The following DMD variants were observed in gnomAD, a reference collection of about 807,000 sequenced individuals.
The protein encoded by DMD is dystrophin, also known as mutant dystrophin.
DMD carries 63 observed loss-of-function variants against 330.1 expected under a neutral mutation model. The observed-to-expected ratio is 0.19, with a 90% CI of 0.16 to 0.24. The LOEUF (loss-of-function observed/expected upper bound fraction) is 0.24. DMD is among the 10% of genes least tolerant of loss of function. The probability of loss-of-function intolerance (pLI) is 1.00; values close to 1 mark genes in which losing one functional copy is unlikely to be tolerated. For synonymous variants in DMD, 1,223 were observed against 959.8 expected (o/e 1.27, Z -5.07); for missense variants, 3,344 against 2,684.1 (o/e 1.25, Z -5.43).
At chrX:32,726,165 A>G (rs764908554) in intron 7 of DMD, among the ~76,000 whole-genome samples, 1 of 111,384 alleles carries the variant, frequency 9.0e-6, no homozygotes, top group Admixed American at 9.6e-5. Context: ...ACTATAAACT[A>G]TTTATGACAC....
intron 46 of DMD, among the ~76,000 whole-genome samples, chrX:31,930,615 G>A (rs73217973): frequency 2.1e-4 from 23 of 111,744 alleles, no homozygotes; most frequent in Non-Finnish European, 4.0e-4. Context: ...TCAGTCACAC[G>A]ACCAACTCTC....
At chrX:31,659,738 T>C (rs1353567482) in intron 53 of DMD, among the ~76,000 whole-genome samples, 1 of 108,429 alleles carries the variant, frequency 9.2e-6, no homozygotes, top group Admixed American at 9.9e-5. Flanking sequence ...TGGTCCAATA[T>C]GTAGCAAATG....
chrX:31,799,564 G>A (rs1210411657), intron 50 of DMD, among the ~76,000 whole-genome samples: 2 of 111,228 alleles, frequency 1.8e-5, no homozygotes, highest in Admixed American at 9.5e-5. Flanking sequence ...TGAGATTTGG[G>A]TGGGGACACA....
chrX:32,068,333 G>T (rs2096273331), intron 44 of DMD, among the ~76,000 whole-genome samples: 1 of 103,242 alleles, frequency 9.7e-6, no homozygotes, highest in African/African-American at 3.6e-5. Context: ...CATTTATTTT[G>T]CCATGCAGAA....
intron 48 of DMD, among the ~76,000 whole-genome samples, chrX:31,860,102 A>T (rs887702470): frequency 4.8e-5 from 2 of 41,901 alleles, no homozygotes; most frequent in South Asian, 6.4e-4. Context: ...TAGAGTACAT[A>T]AAAAAAAAAA....
At chrX:32,618,470 A>G (rs1342946885) in intron 11 of DMD, among the ~76,000 whole-genome samples, 1 of 111,472 alleles carries the variant, frequency 9.0e-6, no homozygotes, top group Non-Finnish European at 1.9e-5. Flanking sequence ...ATGAGAACAC[A>G]TGGGCACATA....
intron 1 of DMD, among the ~76,000 whole-genome samples, chrX:33,078,994 G>GATTA (rs1419605190): frequency 6.3e-5 from 7 of 111,029 alleles, no homozygotes; most frequent in Non-Finnish European, 1.1e-4. Context: ...TCAGAAACCT[G>GATTA]CATTTAAGAC....
intron 7 of DMD, among the ~76,000 whole-genome samples, chrX:32,788,584 A>G (rs189749458): frequency 7.1e-5 from 8 of 112,029 alleles, no homozygotes; most frequent in Non-Finnish European, 1.3e-4. Flanking sequence ...ATCTCCTTAC[A>G]ACTACACTAA....
upstream of DMD, among the ~76,000 whole-genome samples, chrX:33,214,967 A>G (rs2052025183): frequency 8.9e-6 from 1 of 112,571 alleles, no homozygotes; most frequent in African/African-American, 3.2e-5. Context: ...TGTAAAAAGA[A>G]GCACATTTAA....
chrX:31,412,504 C>T (rs752773046), intron 60 of DMD, among the ~76,000 whole-genome samples: 1 of 112,072 alleles, frequency 8.9e-6, no homozygotes, highest in South Asian at 3.8e-4. Context: ...CACAACACTG[C>T]TGGCACACGC....
At chrX:31,443,848 T>C (rs1285917424) in intron 60 of DMD, among the ~76,000 whole-genome samples, 1 of 111,835 alleles carries the variant, frequency 8.9e-6, no homozygotes, top group Middle Eastern at 4.2e-3. Flanking sequence ...TCCATCATGA[T>C]TCAGCATTAT....
intron 44 of DMD, among the ~76,000 whole-genome samples, chrX:31,979,683 C>G (rs1203103532): frequency 8.9e-6 from 1 of 112,004 alleles, no homozygotes; most frequent in Non-Finnish European, 1.9e-5. Flanking sequence ...ATGTTCTGCA[C>G]TTCATATTAG....
At chrX:32,615,488 G>A (rs1288893839) in intron 11 of DMD, among the ~76,000 whole-genome samples, 2 of 111,545 alleles carry the variant, frequency 1.8e-5, no homozygotes, top group African/African-American at 3.3e-5. Flanking sequence ...AATTTGAGAT[G>A]CAAATGAGAA....
At chrX:31,872,152 C>T (rs774196811) in intron 48 of DMD, among the ~76,000 whole-genome samples, 1 of 108,399 alleles carries the variant, frequency 9.2e-6, no homozygotes, top group Non-Finnish European at 1.9e-5. Context: ...TTGAAGTCTG[C>T]ACTCCAGAGA....
At chrX:31,380,589 C>T (rs939245166) in intron 60 of DMD, among the ~76,000 whole-genome samples, 4 of 111,416 alleles carry the variant, frequency 3.6e-5, no homozygotes, top group East Asian at 2.8e-4. Context: ...TACAATTCCC[C>T]CATTTTACCT....
At chrX:32,855,435 C>T (rs1569534810) in intron 2 of DMD, among the ~76,000 whole-genome samples, 2 of 111,855 alleles carry the variant, frequency 1.8e-5, no homozygotes, top group African/African-American at 6.5e-5. Context: ...GCTATACTAA[C>T]CAAAAATGCA....
At chrX:32,513,031 G>A (rs2045498664) in intron 18 of DMD, among the ~76,000 whole-genome samples, 1 of 111,841 alleles carries the variant, frequency 8.9e-6, no homozygotes, top group Non-Finnish European at 1.9e-5. Context: ...AGGGATATTT[G>A]GTCATTAGGC....
chrX:33,291,444 T>C (rs1157303824), intron 1 of DMD, among the ~76,000 whole-genome samples: 1 of 111,241 alleles, frequency 9.0e-6, no homozygotes, highest in African/African-American at 3.3e-5. Context: ...GGTATTCAAA[T>C]AGGAAGTCAA....
At chrX:33,283,480 C>T (rs928623547) in intron 1 of DMD, among the ~76,000 whole-genome samples, 1 of 105,068 alleles carries the variant, frequency 9.5e-6, no homozygotes, top group Non-Finnish European at 1.9e-5. Context: ...GCTGAGATCG[C>T]ACCATTGTAC....
Sources: gnomAD v4.1 joint callset for allele counts (sites outside exome capture counted in the v4.1 genomes callset) on GRCh38, gnomAD v4.1.1 for gene constraint, MANE v1.5 for transcripts, NCBI Gene and HGNC (gene_info 2026-07-23, HGNC 2026-07-21) for gene names.